ERBB4: variants seen among roughly 807,000 people sequenced by gnomAD.
ERBB4 encodes erb-b2 receptor tyrosine kinase 4, also known as receptor tyrosine-protein kinase erbB-4.
A neutral mutation model predicts 158.0 loss-of-function variants in ERBB4; 42 were observed. That is an observed-to-expected ratio of 0.27 (90% CI 0.21 to 0.34). The LOEUF (loss-of-function observed/expected upper bound fraction) is 0.34, where lower values mean the gene tolerates loss of function less well. Ranked by LOEUF, ERBB4 falls within the 10% of genes least tolerant of loss-of-function variation. The probability of loss-of-function intolerance (pLI) is 1.00; values close to 1 mark genes in which losing one functional copy is unlikely to be tolerated. For missense variants in ERBB4, 1,333 were observed against 1,624.1 expected (o/e 0.82, Z 3.08); for synonymous variants, 583 against 558.7 (o/e 1.04, Z -0.61).
rs149808063 is a variant in ERBB4 at position 212,474,525 on chromosome 2, A to G, written c.82+63924T>C. 3.0e-3 allele frequency among the ~76,000 whole-genome samples: 464 copies of G among 152,194 alleles called. 2 individuals are homozygous for G. The highest frequency in any genetic ancestry group is 4.7e-3 in the Non-Finnish European group (321 of 67,986). On this transcript the variant is annotated intron_variant, in intron 1 of 27. Coordinates refer to ENST00000342788, the MANE Select transcript of ERBB4 (RefSeq NM_005235.3). The stretch of plus-strand genomic sequence containing the variant: ...ACAGAAACAACTTGTCCCAAGCTTC[A>G]AGGGGGGCATGGGCTTTGGAGACCT...
At chr2:211,515,912 A>ATATATATATATATATATATATTTTTTT (rs35696520) in intron 20 of ERBB4, among the ~76,000 whole-genome samples, 1 of 78,984 alleles carries the variant, frequency 1.3e-5, no homozygotes, top group African/African-American at 5.7e-5. Context: ...ATATATATAT[A>ATATATATATATATATATATATTTTTTT]TTTTTTTTTT....
chr2:211,756,925 G>A (rs2075299489), intron 4 of ERBB4, among the ~76,000 whole-genome samples: 1 of 152,046 alleles, frequency 6.6e-6, no homozygotes, highest in African/African-American at 2.4e-5. Context: ...TTTGATTTGT[G>A]GACACATTCC....
At chr2:211,432,621 CAAAT>C (rs1298550318) in intron 20 of ERBB4, among the ~76,000 whole-genome samples, 9 of 140,160 alleles carry the variant, frequency 6.4e-5, no homozygotes, top group Non-Finnish European at 9.3e-5. Context: ...AAAAAAAAAA[CAAAT>C]AAATGCATTG....
At chr2:211,733,811 G>A (rs1354509961) in intron 5 of ERBB4, among the ~76,000 whole-genome samples, 2 of 151,370 alleles carry the variant, frequency 1.3e-5, no homozygotes, top group Admixed American at 6.6e-5. Flanking sequence ...GCCAGGAGTG[G>A]TGGCTCACAC....
At chr2:212,472,116 T>C (rs1349025321) in intron 1 of ERBB4, among the ~76,000 whole-genome samples, 1 of 151,956 alleles carries the variant, frequency 6.6e-6, no homozygotes, top group Non-Finnish European at 1.5e-5. Context: ...ATGTTCAACA[T>C]AAATTAATAG....
At chr2:212,309,955 A>T (rs187909852) in intron 1 of ERBB4, among the ~76,000 whole-genome samples, 1 of 150,742 alleles carries the variant, frequency 6.6e-6, no homozygotes, top group East Asian at 2.0e-4. Context: ...CCATGTTTTC[A>T]GTGCTGGAGT....
At chr2:211,459,745 A>G (rs2064480882) in intron 20 of ERBB4, among the ~76,000 whole-genome samples, 1 of 152,122 alleles carries the variant, frequency 6.6e-6, no homozygotes, top group African/African-American at 2.4e-5. Flanking sequence ...CTTTTTCTTT[A>G]TAAATTACCC....
chr2:211,698,697 T>C (rs556871505), intron 12 of ERBB4, among the ~76,000 whole-genome samples: 2 of 152,146 alleles, frequency 1.3e-5, no homozygotes, highest in Non-Finnish European at 2.9e-5. Context: ...AGATGAGATA[T>C]ATAAGTTCAA....
At chr2:211,874,671 G>A (rs1306207813) in intron 3 of ERBB4, among the ~76,000 whole-genome samples, 1 of 151,982 alleles carries the variant, frequency 6.6e-6, no homozygotes, top group Non-Finnish European at 1.5e-5. Context: ...TTCCTATTGT[G>A]AGTGTAAACT....
intron 1 of ERBB4, among the ~76,000 whole-genome samples, chr2:212,310,862 TA>T (rs57189717): frequency 0.016 from 2,320 of 148,036 alleles, 58 homozygotes; most frequent in African/African-American, 0.054. Flanking sequence ...TTTAAAAAGT[TA>T]AAAAAAAAAT....
chr2:211,615,348 C>CA (rs879557866), intron 19 of ERBB4, among the ~76,000 whole-genome samples: 1 of 151,278 alleles, frequency 6.6e-6, no homozygotes, highest in African/African-American at 2.4e-5. Context: ...AAAAAGAAAA[C>CA]AAAAAACAAC....
At chr2:211,657,651 G>A in intron 16 of ERBB4, 103 bp downstream of exon 16, 1 of 871,230 alleles carries the variant, frequency 1.1e-6, no homozygotes, top group Non-Finnish European at 1.9e-6. Flanking sequence ...GATATATTAT[G>A]AGTTACAATA....
At chr2:212,472,291 A>G (rs1689152421) in intron 1 of ERBB4, among the ~76,000 whole-genome samples, 1 of 151,878 alleles carries the variant, frequency 6.6e-6, no homozygotes. Flanking sequence ...TTGGCACAAC[A>G]ACCTTTTACC....
chr2:212,405,186 C>G lies in ERBB4; in HGVS notation c.82+133263G>C, dbSNP rs138711199. Among the ~76,000 whole-genome samples the G allele has an allele frequency of 1.5e-4, 23 of 151,882 alleles. 1 individual carries two copies. Among genetic ancestry groups the G allele is most frequent in the Admixed American group, 1.4e-3 (22 of 15,194 alleles). On this transcript the variant is annotated intron_variant, in intron 1 of 27. Coordinates refer to ENST00000342788, the MANE Select transcript of ERBB4 (RefSeq NM_005235.3). ...TTAAAAATTGGGCAAAGGACATGAA[C>G]AGACACTTTTCAAAAGAAGACATAC...
At position 211,679,079 on chromosome 2, in the gene ERBB4, C is replaced by T. The variant is rs2105959093; in HGVS notation, c.1595G>A (p.Cys532Tyr). ...ATCATAGAGGTTACAAGACTCTATGCAGATCCTTCCTCTACTGAAGCGGCG... is the reference window on the plus strand; with the variant it reads ...ATCATAGAGGTTACAAGACTCTATGTAGATCCTTCCTCTACTGAAGCGGCG... ...SCRRFSRGRI[C>Y]IESCNLYDGE... The change falls in exon 13 of 28, where the codon TGC (cysteine) becomes TAC (tyrosine). Residue 532 changes from cysteine (C) to tyrosine (Y), a missense_variant. Cys to Tyr is a radical substitution (Grantham distance 194). Around this residue, in one of 5 missense-constraint regions of ERBB4, gnomAD observed 245 missense variants for 247.5 expected, o/e 0.99. Coordinates refer to ENST00000342788, the MANE Select transcript of ERBB4 (RefSeq NM_005235.3). 6.2e-7 allele frequency: 1 copy of T among 1,611,916 alleles called. No individual in the cohort carries two copies. The highest frequency in any genetic ancestry group is 8.5e-7 in the Non-Finnish European group (1 of 1,179,014).
At chr2:212,504,582 T>C (rs1261455489) in intron 1 of ERBB4, among the ~76,000 whole-genome samples, 1 of 151,658 alleles carries the variant, frequency 6.6e-6, no homozygotes, top group African/African-American at 2.4e-5. Context: ...AAATAGAAAA[T>C]AATTAACAAT....
intron 16 of ERBB4, among the ~76,000 whole-genome samples, chr2:211,651,842 T>C (rs540286140): frequency 6.6e-6 from 1 of 152,258 alleles, no homozygotes; most frequent in East Asian, 1.9e-4. Context: ...CTCCAAGCTC[T>C]AGATGAGAAC....
intron 2 of ERBB4, among the ~76,000 whole-genome samples, chr2:212,068,588 C>G (rs1475182634): frequency 2.0e-5 from 3 of 152,044 alleles, no homozygotes; most frequent in Non-Finnish European, 4.4e-5. Context: ...CCTGAAGTAA[C>G]CTGATGTTAA....
At chr2:211,739,721 G>A (rs1248160988) in intron 5 of ERBB4, among the ~76,000 whole-genome samples, 1 of 152,116 alleles carries the variant, frequency 6.6e-6, no homozygotes. Context: ...TGCCCGCTTC[G>A]GCCTCCCAAA....
Sources: allele counts gnomAD v4.1 joint callset (sites outside exome capture counted in the v4.1 genomes callset), GRCh38; gene constraint gnomAD v4.1.1; regional missense constraint gnomAD v4.1.1; transcripts MANE v1.5; gene names NCBI Gene and HGNC (gene_info 2026-07-23, HGNC 2026-07-21).